Variants in CCDC15 observed in about 807,000 individuals in gnomAD.
The protein encoded by CCDC15 is coiled-coil domain-containing protein 15.
In CCDC15, 105 loss-of-function variants were observed where a neutral mutation model predicts 114.5. That is an observed-to-expected ratio of 0.92 (90% confidence interval 0.78 to 1.08). The LOEUF is 1.08. CCDC15 is among the 50% of genes least tolerant of loss of function. CCDC15 has a pLI of 0.00. For synonymous variants in CCDC15, 334 were observed against 377.8 expected, an observed-to-expected ratio of 0.88 and a Z score of 1.34; for missense variants, 1,105 against 1,093.6, an observed-to-expected ratio of 1.01 and a Z score of -0.15.
chr11:124,972,278 CT>C, intron 4 of CCDC15, among the ~76,000 whole-genome samples: 1 of 152,200 alleles, frequency 6.6e-6, no homozygotes, highest in Middle Eastern at 3.4e-3. Context: ...ATAGAAAAGA[CT>C]TTTGGTCAAA....
intron 13 of CCDC15, among the ~76,000 whole-genome samples, chr11:125,008,204 T>C (rs896810320): frequency 6.6e-6 from 1 of 152,212 alleles, no homozygotes; most frequent in Non-Finnish European, 1.5e-5. Context: ...GATTTCTTTC[T>C]TCAGTGTTTT....
intron 8 of CCDC15, among the ~76,000 whole-genome samples, chr11:124,990,561 T>A (rs938992269): frequency 2.6e-5 from 4 of 152,154 alleles, no homozygotes; most frequent in African/African-American, 9.7e-5. Context: ...GATTTGGAGA[T>A]CCATACTTGG....
intron 13 of CCDC15, among the ~76,000 whole-genome samples, chr11:125,033,972 A>C (rs1948758142): frequency 6.6e-6 from 1 of 152,068 alleles, no homozygotes; most frequent in African/African-American, 2.4e-5. Flanking sequence ...TCATGGCCAC[A>C]CTCTGAACCT....
intron 4 of CCDC15, among the ~76,000 whole-genome samples, chr11:124,966,530 A>G (rs889347698): frequency 7.3e-5 from 11 of 151,386 alleles, no homozygotes; most frequent in African/African-American, 2.2e-4. Flanking sequence ...TTGAGGCTAT[A>G]TGTGCCTCTG....
chr11:125,038,526 G>A lies in CCDC15; in HGVS notation c.2507G>A (p.Ser836Asn), dbSNP rs752615986. The change falls in exon 14 of 16, where the codon AGT becomes AAT. Residue 836 changes from serine (S) to asparagine (N), a missense_variant. Transcript: ENST00000344762. Reference protein sequence around the residue: ...HEDPYSGEKLSEILAQLQLQE... With the variant: ...HEDPYSGEKLNEILAQLQLQE... ...GATCCATATTCAGGAGAGAAGTTGA[G>A]TGAGATATTAGCCCAGTTACAACTT... The A allele has an allele frequency of 3.1e-6, 5 of 1,588,540 alleles. No individual in the cohort carries two copies. Among genetic ancestry groups the A allele is most frequent in the Non-Finnish European group, 4.3e-6 (5 of 1,166,410 alleles).
rs1483974910 is a variant in CCDC15 at position 125,040,735 on chromosome 11, G to A, written c.*24G>A. 6.2e-7 allele frequency: 1 copy of A among 1,603,580 alleles called. No individual in the cohort carries two copies. Among genetic ancestry groups the A allele is most frequent in the Non-Finnish European group, 8.5e-7 (1 of 1,173,892 alleles). ...AATAAGAATCTGAAATTAACTGGTA[G>A]TATTTTGGCTTTTACTTAAAATCAT... On this transcript the variant is annotated 3_prime_UTR_variant, in exon 16 of 16. Coordinates refer to ENST00000344762, the MANE Select transcript of CCDC15 (RefSeq NM_025004.3).
chr11:124,968,177 CTCTCT>C, intron 4 of CCDC15, among the ~76,000 whole-genome samples: 1 of 152,352 alleles, frequency 6.6e-6, no homozygotes, highest in East Asian at 1.9e-4. Flanking sequence ...AGAACCACTG[CTCTCT>C]TCAGAGCTGT....
chr11:125,038,136 T>G (rs551433106), intron 13 of CCDC15: 1 of 175,914 alleles, frequency 5.7e-6, no homozygotes, highest in East Asian at 1.3e-4. Flanking sequence ...GCCAGGCTGA[T>G]CTGAAACTCC....
At chr11:124,979,977 A>T (rs1948040458) in intron 6 of CCDC15, among the ~76,000 whole-genome samples, 1 of 152,188 alleles carries the variant, frequency 6.6e-6, no homozygotes, top group African/African-American at 2.4e-5. Context: ...GAGGGTTTTT[A>T]ACATGAAAGG....
In CCDC15 at chr11:124,986,905, A is replaced by G. The variant is rs1426678998; in HGVS notation, c.900+17A>G. On this transcript the variant is annotated intron_variant, in intron 7 of 15. Coordinates refer to ENST00000344762, the MANE Select transcript of CCDC15 (RefSeq NM_025004.3). ...AGAGTTCAGGTAAAGCAATAAGAGA[A>G]ATTAAATTAATTGTGATTTGGACTA... 6.6e-7 allele frequency: 1 copy of G among 1,523,770 alleles called. No individual in the cohort carries two copies. The highest frequency in any genetic ancestry group is 2.4e-5 in the East Asian group (1 of 41,114). The allele number at this position is 1,523,770 out of a possible 1,614,324, so 94.4% of individuals were successfully genotyped here.
intron 13 of CCDC15, among the ~76,000 whole-genome samples, chr11:125,029,563 A>T (rs1421896188): frequency 6.6e-6 from 1 of 152,250 alleles, no homozygotes; most frequent in Non-Finnish European, 1.5e-5. Flanking sequence ...GTATACATGC[A>T]CAAACATGTT....
chr11:124,986,216 A>G (rs548761364), intron 6 of CCDC15, among the ~76,000 whole-genome samples: 3 of 152,166 alleles, frequency 2.0e-5, no homozygotes, highest in Non-Finnish European at 4.4e-5. Flanking sequence ...ATTGTTCTGT[A>G]TGTGTCAGTA....
chr11:125,035,187 A>C (rs902364091), intron 13 of CCDC15, among the ~76,000 whole-genome samples: 39 of 152,014 alleles, frequency 2.6e-4, no homozygotes, highest in Non-Finnish European at 8.8e-5. Context: ...GATTGTGCCC[A>C]CTCAGATTAA....
chr11:124,961,472 C>A (rs1052178822), intron 4 of CCDC15, among the ~76,000 whole-genome samples: 3 of 152,110 alleles, frequency 2.0e-5, no homozygotes, highest in Admixed American at 6.6e-5. Flanking sequence ...GGGAAGAATT[C>A]ATGGGAGAGA....
chr11:124,994,694 GC>G (rs1250330150), intron 11 of CCDC15, among the ~76,000 whole-genome samples: 1 of 152,070 alleles, frequency 6.6e-6, no homozygotes, highest in African/African-American at 2.4e-5. Flanking sequence ...TTGGGCTGGA[GC>G]TTGTTAGGTT....
At chr11:125,009,783 C>T (rs2135524349) in intron 13 of CCDC15, among the ~76,000 whole-genome samples, 1 of 152,238 alleles carries the variant, frequency 6.6e-6, no homozygotes, top group South Asian at 2.1e-4. Context: ...TGTTAATTCG[C>T]TTAGGATAAT....
intron 13 of CCDC15, among the ~76,000 whole-genome samples, chr11:125,027,600 TC>T (rs977832543): frequency 3.9e-5 from 6 of 152,006 alleles, no homozygotes; most frequent in East Asian, 1.9e-4. Flanking sequence ...GTTTTTTTTT[TC>T]ATACTGATTT....
At chr11:125,000,319 T>G (rs1948457241) in intron 11 of CCDC15, among the ~76,000 whole-genome samples, 1 of 152,204 alleles carries the variant, frequency 6.6e-6, no homozygotes, top group Non-Finnish European at 1.5e-5. Flanking sequence ...TCAATGTTAC[T>G]TTAGTTTTCA....
At chr11:125,031,187 A>T (rs891026644) in intron 13 of CCDC15, among the ~76,000 whole-genome samples, 1 of 152,242 alleles carries the variant, frequency 6.6e-6, no homozygotes, top group Non-Finnish European at 1.5e-5. Flanking sequence ...TCCATCAGGG[A>T]TGTCCTGGAA....
Sources: gnomAD v4.1 joint callset for allele counts (sites outside exome capture counted in the v4.1 genomes callset) on GRCh38, gnomAD v4.1.1 for gene constraint, MANE v1.5 for transcripts, NCBI Gene and HGNC (gene_info 2026-07-23, HGNC 2026-07-21) for gene names.